Variants in CYP4X1 observed in about 807,000 individuals in gnomAD.
CYP4X1 encodes cytochrome P450 family 4 subfamily X member 1, also known as cytochrome P450 4X1.
Under a neutral mutation model 57.9 loss-of-function variants are expected in CYP4X1, and 44 were observed. The ratio of observed to expected loss-of-function variants is 0.76; its 90% confidence interval spans 0.60 to 0.98. The LOEUF is 0.98. Ranked by LOEUF, CYP4X1 falls within the 50% of genes least tolerant of loss-of-function variation. The pLI is 0.00. For synonymous variants in CYP4X1, 227 were observed against 228.6 expected (o/e 0.99, Z 0.06); for missense variants, 532 against 623.9 (o/e 0.85, Z 1.57).
chr1:47,042,286 CTTT>C (rs3073873), intron 8 of CYP4X1, among the ~76,000 whole-genome samples: 19 of 136,650 alleles, frequency 1.4e-4, no homozygotes, highest in East Asian at 4.1e-4. Context: ...AATTTTAGGG[CTTT>C]TTTTTTTTTT....
chr1:46,971,975 T>C, the CYP4X1 span, among the ~76,000 whole-genome samples: 3 of 152,242 alleles, frequency 2.0e-5, no homozygotes, highest in Non-Finnish European at 2.9e-5. Context: ...TTTGTTGCAA[T>C]TGCTTTTAGA....
rs768030054 is a variant in CYP4X1, at chr1:47,050,101, C to A, written c.1457C>A (p.Thr486Asn). 2 of 1,614,090 alleles carry A rather than the reference C, an allele frequency of 1.2e-6. No individual in the cohort carries two copies. The highest frequency in any genetic ancestry group is 1.7e-6 in the Non-Finnish European group (2 of 1,180,002). ...ACTCCAGACCCCACCAGGCCTCTTA[C>A]TTTCCCCAACCATTTTATCCTCAAG... is the stretch of plus-strand genomic sequence containing the variant. ...RVTPDPTRPL[T>N]FPNHFILKPK... Residue 486 changes from threonine (T) to asparagine (N), a missense_variant, in exon 12 of 12, where the codon ACT (threonine) becomes AAT (asparagine). Physicochemically the swap from Thr to Asn is moderately conservative, Grantham distance 65. Transcript: ENST00000371901.
At chr1:46,971,064 G>T in the CYP4X1 span, among the ~76,000 whole-genome samples, 3 of 152,040 alleles carry the variant, frequency 2.0e-5, no homozygotes, top group Non-Finnish European at 4.4e-5. Flanking sequence ...GGTAATTTTT[G>T]ATCCTTAACC....
the CYP4X1 span, among the ~76,000 whole-genome samples, chr1:46,983,446 G>A: frequency 6.6e-6 from 1 of 152,216 alleles, no homozygotes; most frequent in South Asian, 2.1e-4. Context: ...CCCAGCCAGA[G>A]GACAGCAAGG....
Position 47,048,575 on chromosome 1 carries a change from G to A in CYP4X1, c.1218G>A (p.Val406=). ...TCCCTCCTTTCTTAGGGATCACCGT[G>A]GTTCTTAGTATTTGGGGTCTTCACC... The part of the protein sequence containing the change: ...DGCTLPAGIT[V]VLSIWGLHHN... Residue 406 remains valine (V), a synonymous_variant, in exon 10 of 12, where the codon GTG becomes GTA. Transcript: ENST00000371901. 6.2e-7 allele frequency: 1 copy of A among 1,614,090 alleles called. No individual in the cohort carries two copies. The highest frequency in any genetic ancestry group is 8.5e-7 in the Non-Finnish European group (1 of 1,179,992).
At chr1:46,993,642 G>T in the CYP4X1 span, among the ~76,000 whole-genome samples, 1 of 152,160 alleles carries the variant, frequency 6.6e-6, no homozygotes, top group Non-Finnish European at 1.5e-5. Context: ...GTGTGAGATG[G>T]TATCTCATTG....
the CYP4X1 span, among the ~76,000 whole-genome samples, chr1:46,977,957 C>A: frequency 2.0e-5 from 3 of 152,086 alleles, no homozygotes; most frequent in Non-Finnish European, 4.4e-5. Context: ...GACTGCCTTA[C>A]AAGAGCTCCT....
chr1:47,007,075 A>C, the CYP4X1 span, among the ~76,000 whole-genome samples: 2 of 152,200 alleles, frequency 1.3e-5, no homozygotes, highest in Non-Finnish European at 2.9e-5. Flanking sequence ...CTTTGAAGAG[A>C]GTAGTAGTTC....
chr1:47,028,766 C>T (rs977421129), intron 1 of CYP4X1, among the ~76,000 whole-genome samples: 1 of 152,126 alleles, frequency 6.6e-6, no homozygotes, highest in African/African-American at 2.4e-5. Flanking sequence ...AAGGCCTTGT[C>T]TTCCTTATAT....
At chr1:47,044,493 G>A (rs1411478381) in intron 8 of CYP4X1, among the ~76,000 whole-genome samples, 1 of 151,828 alleles carries the variant, frequency 6.6e-6, no homozygotes, top group Non-Finnish European at 1.5e-5. Context: ...TAATAGTTTT[G>A]GCTTTTAACT....
the CYP4X1 span, among the ~76,000 whole-genome samples, chr1:47,002,808 A>G: frequency 1.3e-5 from 2 of 152,208 alleles, no homozygotes; most frequent in African/African-American, 4.8e-5. Flanking sequence ...CAATATTGTG[A>G]TATGTGGACT....
chr1:47,016,485 G>A, the CYP4X1 span, among the ~76,000 whole-genome samples: 1 of 152,016 alleles, frequency 6.6e-6, no homozygotes, highest in Non-Finnish European at 1.5e-5. Flanking sequence ...GGGACTACAG[G>A]GGCCCACCAC....
intron 3 of CYP4X1, among the ~76,000 whole-genome samples, chr1:47,032,605 A>G (rs1179213668): frequency 6.6e-6 from 1 of 152,236 alleles, no homozygotes; most frequent in Non-Finnish European, 1.5e-5. Flanking sequence ...CCTAATGACC[A>G]GTCTGGCAAT....
At chr1:47,033,610 C>G (rs938567966) in intron 4 of CYP4X1, among the ~76,000 whole-genome samples, 20 of 152,090 alleles carry the variant, frequency 1.3e-4, no homozygotes, top group Non-Finnish European at 7.4e-5. Context: ...GGCAGCAAAC[C>G]AAGTACCAAA....
downstream of CYP4X1, among the ~76,000 whole-genome samples, chr1:47,054,140 T>C (rs1644377407): frequency 6.6e-6 from 1 of 151,558 alleles, no homozygotes; most frequent in Admixed American, 6.6e-5. Context: ...TACATATGGC[T>C]AGCCAGTTTT....
intron 2 of CYP4X1, among the ~76,000 whole-genome samples, chr1:47,030,672 T>TGGATTATTTCATAG (rs1464033890): frequency 6.6e-6 from 1 of 152,220 alleles, no homozygotes; most frequent in Non-Finnish European, 1.5e-5. Flanking sequence ...TTTAAGGCTT[T>TGGATTATTTCATAG]CATTGTGGAT....
At chr1:47,039,905 T>C (rs930583468) in intron 8 of CYP4X1, among the ~76,000 whole-genome samples, 1 of 152,122 alleles carries the variant, frequency 6.6e-6, no homozygotes. Flanking sequence ...GCTGAATGAT[T>C]AGCTGCATTA....
chr1:47,017,990 G>A, the CYP4X1 span, among the ~76,000 whole-genome samples: 3 of 152,092 alleles, frequency 2.0e-5, no homozygotes, highest in Admixed American at 1.3e-4. Context: ...AAATTTTGGG[G>A]GTTCACATAA....
upstream of CYP4X1, among the ~76,000 whole-genome samples, chr1:47,020,872 G>A (rs1251796750): frequency 1.3e-5 from 2 of 152,110 alleles, no homozygotes; most frequent in African/African-American, 2.4e-5. Flanking sequence ...GCACTGCCCT[G>A]TTTGTAGACA....
Sources: gnomAD v4.1 joint callset for allele counts (sites outside exome capture counted in the v4.1 genomes callset) on GRCh38, gnomAD v4.1.1 for gene constraint, MANE v1.5 for transcripts, NCBI Gene and HGNC (gene_info 2026-07-23, HGNC 2026-07-21) for gene names.